CNIH3: variants seen among roughly 807,000 people sequenced by gnomAD.
The protein encoded by CNIH3 is protein cornichon homolog 3.
In CNIH3, 14 loss-of-function variants were observed where a neutral mutation model predicts 24.1. The observed-to-expected ratio is 0.58, with a 90% CI of 0.38 to 0.91. The LOEUF (loss-of-function observed/expected upper bound fraction) is 0.91. Ranked by LOEUF, CNIH3 falls within the 40% of genes least tolerant of loss-of-function variation. CNIH3 has a pLI of 0.00. For missense variants in CNIH3, 178 were observed against 196.8 expected (o/e 0.90, Z 0.57); for synonymous variants, 68 against 73.8 (o/e 0.92, Z 0.40).
chr1:224,523,230 C>A (rs1429651146), intron 2 of CNIH3, among the ~76,000 whole-genome samples: 1 of 151,302 alleles, frequency 6.6e-6, no homozygotes, highest in Non-Finnish European at 1.5e-5. Context: ...CAGAGAGGGA[C>A]CCTGTCTCAA....
chr1:224,547,418 C>G (rs188145587), intron 3 of CNIH3, among the ~76,000 whole-genome samples: 1 of 151,542 alleles, frequency 6.6e-6, no homozygotes, highest in East Asian at 1.9e-4. Context: ...AAGATATTAC[C>G]CCTAATATTA....
At chr1:224,446,212 G>GTTTTT (rs35812016) in intron 1 of CNIH3, among the ~76,000 whole-genome samples, 155 of 108,784 alleles carry the variant, frequency 1.4e-3, no homozygotes, top group Middle Eastern at 5.0e-3. Context: ...TTTCAACTTT[G>GTTTTT]TTTTTTTTTT....
chr1:224,605,108 A>G (rs554340883), intron 3 of CNIH3, among the ~76,000 whole-genome samples: 1 of 152,356 alleles, frequency 6.6e-6, no homozygotes, highest in East Asian at 1.9e-4. Flanking sequence ...AGGAAAGGGT[A>G]GGTATATGTA....
intron 3 of CNIH3, among the ~76,000 whole-genome samples, chr1:224,715,275 T>C (rs1204687585): frequency 2.0e-5 from 3 of 152,230 alleles, no homozygotes; most frequent in African/African-American, 7.2e-5. Context: ...CCTCTGGTTT[T>C]CCCCTGTCCT....
At chr1:224,697,235 C>T (rs1272383870) in intron 3 of CNIH3, among the ~76,000 whole-genome samples, 10 of 152,210 alleles carry the variant, frequency 6.6e-5, no homozygotes, top group Admixed American at 2.6e-4. Flanking sequence ...CTAGTTAGAG[C>T]GCTAGTTTGC....
At chr1:224,627,123 C>T (rs115602626) in intron 1 of CNIH3, among the ~76,000 whole-genome samples, 118 of 152,230 alleles carry the variant, frequency 7.8e-4, no homozygotes, top group African/African-American at 2.6e-3. Flanking sequence ...ACGTGTTGAG[C>T]GCATGACTGA....
chr1:224,687,522 C>G (rs1260041850), intron 3 of CNIH3, among the ~76,000 whole-genome samples: 3 of 152,184 alleles, frequency 2.0e-5, no homozygotes, highest in African/African-American at 7.2e-5. Flanking sequence ...GATGAGCCAC[C>G]ATGCCCAGCC....
chr1:224,557,023 G>A (rs550367819), intron 3 of CNIH3, among the ~76,000 whole-genome samples: 3 of 152,208 alleles, frequency 2.0e-5, no homozygotes, highest in Non-Finnish European at 2.9e-5. Flanking sequence ...TGAAGAGAGA[G>A]GGAAGCACTC....
At chr1:224,504,641 T>A (rs1677820319) in intron 1 of CNIH3, among the ~76,000 whole-genome samples, 1 of 152,020 alleles carries the variant, frequency 6.6e-6, no homozygotes, top group Non-Finnish European at 1.5e-5. Flanking sequence ...AACCCCACCT[T>A]AATCTTTTTC....
At chr1:224,663,609 CCAAA>C (rs1326609012) in intron 1 of CNIH3, among the ~76,000 whole-genome samples, 1 of 152,196 alleles carries the variant, frequency 6.6e-6, no homozygotes, top group Non-Finnish European at 1.5e-5. Flanking sequence ...CCAAGAGTGT[CCAAA>C]CAAATAGTTG....
intron 1 of CNIH3, among the ~76,000 whole-genome samples, chr1:224,463,236 T>C (rs1422183668): frequency 6.6e-6 from 1 of 152,136 alleles, no homozygotes; most frequent in African/African-American, 2.4e-5. Context: ...TTTTACAAAG[T>C]GCTTGTACTG....
chr1:224,445,967 T>A (rs893176284), intron 1 of CNIH3, among the ~76,000 whole-genome samples: 26 of 152,214 alleles, frequency 1.7e-4, no homozygotes, highest in Non-Finnish European at 8.8e-5. Context: ...TTTTTCCATG[T>A]GAATGTCCAG....
At chr1:224,658,333 T>C (rs1685193375) in intron 1 of CNIH3, among the ~76,000 whole-genome samples, 1 of 151,980 alleles carries the variant, frequency 6.6e-6, no homozygotes, top group East Asian at 1.9e-4. Flanking sequence ...GCCCAGCTAA[T>C]TTTTATATTT....
At chr1:224,715,027 A>G (rs931228163) in intron 3 of CNIH3, among the ~76,000 whole-genome samples, 2 of 152,170 alleles carry the variant, frequency 1.3e-5, no homozygotes, top group African/African-American at 4.8e-5. Flanking sequence ...GCCTTCTTGA[A>G]AACAACCAAT....
intron 3 of CNIH3, among the ~76,000 whole-genome samples, chr1:224,689,675 T>G (rs542181491): frequency 6.6e-6 from 1 of 152,344 alleles, no homozygotes; most frequent in African/African-American, 2.4e-5. Context: ...CTAAACACCC[T>G]AGAATGTGAT....
At chr1:224,637,260 C>T (rs900206602) in intron 1 of CNIH3, among the ~76,000 whole-genome samples, 1 of 152,106 alleles carries the variant, frequency 6.6e-6, no homozygotes, top group Non-Finnish European at 1.5e-5. Flanking sequence ...GCGAGAGATG[C>T]TTTCTTTACT....
intron 5 of CNIH3, among the ~76,000 whole-genome samples, chr1:224,737,303 A>G (rs1026402371): frequency 3.9e-5 from 6 of 152,020 alleles, no homozygotes; most frequent in African/African-American, 1.5e-4. Context: ...TGTGTTCCAG[A>G]CAGTCTGTTT....
At chr1:224,687,738 A>G (rs1006793236) in intron 3 of CNIH3, among the ~76,000 whole-genome samples, 2 of 152,212 alleles carry the variant, frequency 1.3e-5, no homozygotes, top group African/African-American at 2.4e-5. Flanking sequence ...AGACCAATAC[A>G]CTGAGACGGT....
At chr1:224,598,996 C>T (rs973000974) in intron 3 of CNIH3, among the ~76,000 whole-genome samples, 1 of 152,022 alleles carries the variant, frequency 6.6e-6, no homozygotes, top group African/African-American at 2.4e-5. Context: ...TTGCAGTTAT[C>T]TATTGCTGCA....
Sources: gnomAD v4.1 joint callset for allele counts (sites outside exome capture counted in the v4.1 genomes callset) on GRCh38, gnomAD v4.1.1 for gene constraint, MANE v1.5 for transcripts, NCBI Gene and HGNC (gene_info 2026-07-23, HGNC 2026-07-21) for gene names.